Variants in CCDC73 observed in about 807,000 individuals in gnomAD.
The protein encoded by CCDC73 is coiled-coil domain containing 73, also known as coiled-coil domain-containing protein 73.
CCDC73 carries 95 observed loss-of-function variants against 116.5 expected under a neutral mutation model. The ratio of observed to expected loss-of-function variants is 0.82; its 90% CI spans 0.69 to 0.97. The LOEUF (loss-of-function observed/expected upper bound fraction) is 0.97, where lower values mean the gene tolerates loss of function less well. CCDC73 is among the 50% of genes least tolerant of loss of function. CCDC73 has a pLI of 0.00. For missense variants in CCDC73, 1,066 were observed against 1,206.8 expected (o/e 0.88, Z 1.73); for synonymous variants, 398 against 401.3 (o/e 0.99, Z 0.10).
chr11:32,796,239 A>G (rs1217063216), upstream of CCDC73, among the ~76,000 whole-genome samples: 4 of 152,224 alleles, frequency 2.6e-5, no homozygotes, highest in Admixed American at 1.3e-4. Flanking sequence ...GTGAAAACAG[A>G]GATGAATTTT....
chr11:32,725,719 CT>C (rs1850025057), intron 2 of CCDC73, among the ~76,000 whole-genome samples: 1 of 152,148 alleles, frequency 6.6e-6, no homozygotes, highest in Non-Finnish European at 1.5e-5. Context: ...ACTTTCATCT[CT>C]AAATTTCTAC....
At chr11:32,706,544 T>C (rs1849857763) in intron 3 of CCDC73, among the ~76,000 whole-genome samples, 1 of 152,148 alleles carries the variant, frequency 6.6e-6, no homozygotes, top group South Asian at 2.1e-4. Context: ...AGAAAAATAA[T>C]TGTCATGGTC....
chr11:32,643,762 C>T (rs886326993), intron 12 of CCDC73, among the ~76,000 whole-genome samples: 6 of 152,014 alleles, frequency 3.9e-5, no homozygotes, highest in Middle Eastern at 3.2e-3. Flanking sequence ...AGGTCTAGGA[C>T]ATTATTACTC....
chr11:32,812,157 T>C, the CCDC73 span, among the ~76,000 whole-genome samples: 36 of 152,336 alleles, frequency 2.4e-4, no homozygotes, highest in African/African-American at 7.9e-4. Context: ...CATTGGCCTA[T>C]GTCCCTGTTA....
intron 3 of CCDC73, among the ~76,000 whole-genome samples, chr11:32,715,521 C>A (rs1672787488): frequency 6.7e-6 from 1 of 148,970 alleles, no homozygotes; most frequent in South Asian, 2.1e-4. Context: ...CACACACACA[C>A]CACCAGAAAC....
chr11:32,743,367 C>A (rs1238322682), intron 2 of CCDC73, among the ~76,000 whole-genome samples: 1 of 152,102 alleles, frequency 6.6e-6, no homozygotes, highest in East Asian at 1.9e-4. Flanking sequence ...TTAAGAAACT[C>A]ACTCAAACTT....
chr11:32,771,810 G>A (rs1200790880), intron 1 of CCDC73, among the ~76,000 whole-genome samples: 8 of 152,134 alleles, frequency 5.3e-5, no homozygotes, highest in Admixed American at 5.2e-4. Context: ...AATGTGATAG[G>A]GTCACTTCTC....
chr11:32,620,387 T>A (rs1855512588), intron 14 of CCDC73, among the ~76,000 whole-genome samples: 1 of 151,994 alleles, frequency 6.6e-6, no homozygotes, highest in African/African-American at 2.4e-5. Flanking sequence ...TTTCTTATAA[T>A]GTAATCTCAG....
chr11:32,657,497 G>T (rs1374800328), intron 9 of CCDC73, among the ~76,000 whole-genome samples: 1 of 152,066 alleles, frequency 6.6e-6, no homozygotes, highest in Non-Finnish European at 1.5e-5. Flanking sequence ...GTAGTATAGT[G>T]GATATCCTCC....
chr11:32,810,808 ATTCC>A, the CCDC73 span, among the ~76,000 whole-genome samples: 1 of 152,016 alleles, frequency 6.6e-6, no homozygotes, highest in Admixed American at 6.6e-5. Context: ...CTGTTAACTC[ATTCC>A]TCTCCCAGCA....
At chr11:32,615,804 G>A in intron 15 of CCDC73, 136 bp downstream of exon 15, 3 of 834,164 alleles carry the variant, frequency 3.6e-6, no homozygotes, top group Non-Finnish European at 3.5e-6. Flanking sequence ...CAGCAAAACA[G>A]TGAAGGCAGA....
upstream of CCDC73, among the ~76,000 whole-genome samples, chr11:32,799,179 C>T (rs1034475543): frequency 4.0e-5 from 6 of 151,442 alleles, no homozygotes; most frequent in Non-Finnish European, 5.9e-5. Context: ...GCAACCTCCA[C>T]CTCCCAGGTT....
At position 32,653,255 on chromosome 11, in the gene CCDC73, TAA is replaced by T. The variant is rs1404699333; in HGVS notation, c.835-30_835-29del. 2.8e-6 allele frequency: 4 copies of T among 1,428,966 alleles called. No individual in the cohort carries two copies. In the South Asian group the frequency reaches 4.8e-5, roughly 17 times the overall value. The allele number at this position is 1,428,966 out of a possible 1,614,324, so 88.5% of individuals were successfully genotyped here. ...TTGAAAATACACAAATATATCAATT[TAA>T]AAGTTTTAAGATAGGTATGTTTCTA... On this transcript the variant is annotated intron_variant, in intron 11 of 17. Coordinates refer to ENST00000335185, the MANE Select transcript of CCDC73 (RefSeq NM_001008391.4).
Position 32,614,828 on chromosome 11 carries a change from ATTAC to A in CCDC73, c.1486_1489del (p.Val496LeufsTer20). The A allele has an allele frequency of 6.2e-7, 1 of 1,613,216 alleles. No homozygotes were observed. Among genetic ancestry groups the A allele is most frequent in the Non-Finnish European group, 8.5e-7 (1 of 1,179,548 alleles). On this transcript the variant is annotated frameshift_variant, in exon 16 of 18. Transcript: ENST00000335185. LOFTEE classifies it high-confidence loss of function. ...AACATTCGAGGTTTGTCCTTGACTA[ATTAC>A]TTCTTTATCTAAGGAGAGGGTTTTG...
chr11:32,705,574 G>T (rs1169025918), intron 3 of CCDC73, among the ~76,000 whole-genome samples: 1 of 152,176 alleles, frequency 6.6e-6, no homozygotes, highest in African/African-American at 2.4e-5. Flanking sequence ...CTCTTGGCAG[G>T]CATGGGATCT....
chr11:32,713,410 A>G (rs1236667622), intron 3 of CCDC73, among the ~76,000 whole-genome samples: 1 of 152,064 alleles, frequency 6.6e-6, no homozygotes, highest in South Asian at 2.1e-4. Flanking sequence ...AGGAATCCCA[A>G]TTTCAAGTAG....
chr11:32,698,524 G>A (rs939571285), intron 6 of CCDC73, among the ~76,000 whole-genome samples: 5 of 152,148 alleles, frequency 3.3e-5, no homozygotes, highest in African/African-American at 1.2e-4. Context: ...TGCTAGACTC[G>A]ATCACTTGAT....
chr11:32,764,968 T>A (rs1170939318), intron 1 of CCDC73, among the ~76,000 whole-genome samples: 2 of 152,030 alleles, frequency 1.3e-5, no homozygotes, highest in Non-Finnish European at 2.9e-5. Context: ...GCAATCCTAG[T>A]CTCTGATAAA....
At chr11:32,830,063 G>A in the CCDC73 span, 8 of 988,058 alleles carry the variant, frequency 8.1e-6, no homozygotes, top group Non-Finnish European at 9.6e-6. Context: ...GAGGCCCGGA[G>A]CGTCGCCGAG....
Sources: allele counts gnomAD v4.1 joint callset (sites outside exome capture counted in the v4.1 genomes callset), GRCh38; gene constraint gnomAD v4.1.1; transcripts MANE v1.5; gene names NCBI Gene and HGNC (gene_info 2026-07-23, HGNC 2026-07-21).